The following NLRC5 variants were observed in gnomAD, a reference collection of about 807,000 sequenced individuals.
NLRC5 encodes the protein protein NLRC5.
A neutral mutation model predicts 206.9 loss-of-function variants in NLRC5; 114 were observed. The ratio of observed to expected loss-of-function variants is 0.55; its 90% CI spans 0.47 to 0.64. The LOEUF is 0.64. NLRC5 is among the 30% of genes least tolerant of loss of function. The pLI is 0.00. For synonymous variants in NLRC5, 952 were observed against 962.8 expected, an observed-to-expected ratio of 0.99 and a Z score of 0.21; for missense variants, 2,008 against 2,305.5, an observed-to-expected ratio of 0.87 and a Z score of 2.64.
Position 57,077,397 on chromosome 16 carries a change from C to T in NLRC5, c.4919+18C>T, listed in dbSNP as rs1732906844. On this transcript the variant is annotated intron_variant, in intron 41 of 48. Coordinates refer to ENST00000688547, the MANE Select transcript of NLRC5 (RefSeq NM_001384950.1). ...AAGATAGAGTGAGTAGCCAGCCCTA[C>T]AGAGGAGGGCCACAGGGGTCACACG... 6.2e-7 allele frequency: 1 copy of T among 1,608,334 alleles called. No individual in the cohort carries two copies. Among genetic ancestry groups the T allele is most frequent in the Non-Finnish European group, 8.5e-7 (1 of 1,175,130 alleles).
chr16:57,003,548 G>C (rs573560625), intron 1 of NLRC5, among the ~76,000 whole-genome samples: 1 of 152,010 alleles, frequency 6.6e-6, no homozygotes, highest in African/African-American at 2.4e-5. Flanking sequence ...GCCTTTGCCT[G>C]GTGGGCATTG....
Position 57,082,884 on chromosome 16 carries a change from G to A in NLRC5, c.*356G>A. On this transcript the variant is annotated 3_prime_UTR_variant, in exon 49 of 49. Transcript: ENST00000688547. Reference sequence around the variant, plus strand: ...AAGTCAGTGTGGCACGTGTTCTGTGGCATGGGTGCTGGCATCCCAAGTAGC... The same window carrying A: ...AAGTCAGTGTGGCACGTGTTCTGTGACATGGGTGCTGGCATCCCAAGTAGC... 1 of 202,410 alleles carries A rather than the reference G, an allele frequency of 4.9e-6. No homozygotes were observed. Among genetic ancestry groups the A allele is most frequent in the Non-Finnish European group, 9.9e-6 (1 of 100,614 alleles). The allele number at this position is 202,410 out of a possible 1,614,324, so 12.5% of individuals were successfully genotyped here.
chr16:57,024,735 C>T (rs903109308), intron 5 of NLRC5, among the ~76,000 whole-genome samples: 4 of 152,152 alleles, frequency 2.6e-5, no homozygotes, highest in South Asian at 2.1e-4. Flanking sequence ...AGTAGCTGGG[C>T]GCGGTGGCTC....
chr16:57,013,729 G>T, intron 1 of NLRC5: 1 of 732,922 alleles, frequency 1.4e-6, no homozygotes, highest in Non-Finnish European at 2.5e-6. Context: ...CCTGATAAAA[G>T]TCAACAATAC....
intron 19 of NLRC5, 125 bp downstream of exon 19, chr16:57,042,190 A>C: frequency 1.8e-6 from 1 of 556,532 alleles, no homozygotes; most frequent in East Asian, 3.5e-5. Flanking sequence ...ATTGCCCCTA[A>C]TACAATGTAA....
intron 1 of NLRC5, among the ~76,000 whole-genome samples, chr16:57,015,560 T>C (rs1301362706): frequency 3.3e-5 from 5 of 151,628 alleles, no homozygotes; most frequent in Admixed American, 6.6e-5. Context: ...GAATCCAGCC[T>C]GGGCAACATA....
chr16:57,037,726 A>AC (rs1204058346), intron 15 of NLRC5, among the ~76,000 whole-genome samples: 4 of 151,766 alleles, frequency 2.6e-5, no homozygotes, highest in Non-Finnish European at 5.9e-5. Flanking sequence ...GTGACATGCG[A>AC]CCCCCTACCC....
At chr16:57,019,064 G>A (rs191819911) in intron 2 of NLRC5, among the ~76,000 whole-genome samples, 22 of 152,260 alleles carry the variant, frequency 1.4e-4, no homozygotes, top group Admixed American at 3.9e-4. Context: ...TAAATGCCCC[G>A]TGCCCTCTAT....
intron 38 of NLRC5, among the ~76,000 whole-genome samples, chr16:57,071,544 G>A (rs1297227126): frequency 1.4e-5 from 2 of 147,108 alleles, no homozygotes; most frequent in South Asian, 2.3e-4. Context: ...GTTGGTTAAC[G>A]GGGAAGGGGG....
chr16:57,010,671 C>T (rs1371309871), intron 1 of NLRC5, among the ~76,000 whole-genome samples: 10 of 152,202 alleles, frequency 6.6e-5, no homozygotes, highest in Admixed American at 3.9e-4. Flanking sequence ...CTGCACCTGG[C>T]TGCTTTTTAA....
intron 1 of NLRC5, among the ~76,000 whole-genome samples, chr16:57,008,294 T>C (rs2059136610): frequency 6.6e-6 from 1 of 152,230 alleles, no homozygotes; most frequent in Non-Finnish European, 1.5e-5. Context: ...TTTTCTTAAC[T>C]TTTTTGTCGT....
intron 28 of NLRC5, 144 bp from the exon 29 acceptor site, chr16:57,058,828 A>G: frequency 1.3e-6 from 1 of 744,328 alleles, no homozygotes; most frequent in Non-Finnish European, 2.4e-6. Context: ...TCTGGGCCTC[A>G]GTGTGTCCAT....
rs545636957 is a variant in NLRC5, at chr16:57,061,494, A to G, written c.4033A>G (p.Thr1345Ala). The G allele has an allele frequency of 7.4e-6, 12 of 1,611,042 alleles. No homozygotes were observed. The highest frequency in any genetic ancestry group is 4.4e-5 in the South Asian group (4 of 91,092). The change falls in exon 31 of 49, where the codon ACC (threonine) becomes GCC (alanine). Residue 1345 changes from threonine (T) to alanine (A), a missense_variant. Thr to Ala is a moderately conservative substitution (Grantham distance 58). Coordinates refer to ENST00000688547, the MANE Select transcript of NLRC5 (RefSeq NM_001384950.1). ...FRPEHVSRLA[T>A]GLSKSLQLTE... ...GCCAGAGCACGTGTCCAGGCTGGCC[A>G]CCGGCTTGAGCAAGTCCCTGCAGCT...
intron 1 of NLRC5, chr16:56,991,124 C>T (rs146427523): frequency 1.3e-5 from 2 of 152,230 alleles, no homozygotes; most frequent in African/African-American, 4.8e-5. Flanking sequence ...TGATACACGC[C>T]CACCCAGTGC....
chr16:57,013,689 A>C, intron 1 of NLRC5: 1 of 819,046 alleles, frequency 1.2e-6, no homozygotes, highest in Non-Finnish European at 2.2e-6. Flanking sequence ...ACTTGCTGGT[A>C]ACCTGGAATA....
chr16:57,028,348 A>G lies in NLRC5; in HGVS notation c.2206A>G (p.Lys736Glu), dbSNP rs1329368453. The change falls in exon 8 of 49, where the codon AAA becomes GAA. Residue 736 changes from lysine to glutamate, a missense_variant. Lys to Glu is a moderately conservative substitution (Grantham distance 56). Transcript: ENST00000688547. ...TGCCCGAGGCATCAGCCACCTGGTG[A>G]AAGCTTTGCCTCTCTGTCCACAGCT... Reference protein sequence around the residue: ...ITARGISHLVKALPLCPQLKE... With the variant: ...ITARGISHLVEALPLCPQLKE... The G allele has an allele frequency of 6.2e-7, 1 of 1,614,102 alleles. No individual in the cohort carries two copies. Among genetic ancestry groups the G allele is most frequent in the East Asian group, 2.2e-5 (1 of 44,894 alleles).
intron 1 of NLRC5, among the ~76,000 whole-genome samples, chr16:57,002,728 G>A (rs1363565307): frequency 7.3e-6 from 1 of 137,202 alleles, no homozygotes; most frequent in African/African-American, 2.8e-5. Flanking sequence ...TGCAACCTCT[G>A]CCTCCTGGGT....
intron 2 of NLRC5, among the ~76,000 whole-genome samples, chr16:57,018,419 C>A (rs1024719492): frequency 6.6e-6 from 1 of 152,216 alleles, no homozygotes; most frequent in African/African-American, 2.4e-5. Context: ...CATGGTCTTT[C>A]CGTCTGCTTA....
Position 57,030,400 on chromosome 16 carries a change from ATGGATGGATGG to A in NLRC5, c.2417+317_2417+327del, listed in dbSNP as rs1567563755. Among the ~76,000 whole-genome samples, 223 of 143,238 alleles carry A rather than the reference ATGGATGGATGG, an allele frequency of 1.6e-3. 4 individuals carry two copies. Among genetic ancestry groups the A allele is most frequent in the African/African-American group, 5.1e-3 (198 of 38,644 alleles). The allele number at this position is 143,238 out of a possible 152,430, so 94.0% of individuals were successfully genotyped here. A position where few individuals can be genotyped will look rare whatever the true frequency, so the allele number is the denominator to read the frequency against. ...GATGAAAAGATGGATGGATGGATGGATGGATGGATGGCTGAAAAGATGGATGGGTGGATGAA... is the reference window on the plus strand; with the variant it reads ...GATGAAAAGATGGATGGATGGATGGACTGAAAAGATGGATGGGTGGATGAA... On this transcript the variant is annotated intron_variant, in intron 10 of 48. Coordinates refer to ENST00000688547, the MANE Select transcript of NLRC5 (RefSeq NM_001384950.1).
Sources: gnomAD v4.1 joint callset for allele counts (sites outside exome capture counted in the v4.1 genomes callset) on GRCh38, gnomAD v4.1.1 for gene constraint, MANE v1.5 for transcripts, NCBI Gene and HGNC (gene_info 2026-07-23, HGNC 2026-07-21) for gene names.